The following DGCR8 variants were observed in gnomAD, a reference collection of about 807,000 sequenced individuals.
DGCR8 encodes the protein microprocessor complex subunit DGCR8.
Under a neutral mutation model 78.5 loss-of-function variants are expected in DGCR8, and 14 were observed. That is an observed-to-expected ratio of 0.18 (90% CI 0.12 to 0.28). The LOEUF (loss-of-function observed/expected upper bound fraction) is 0.28, where lower values mean the gene tolerates loss of function less well. Ranked by LOEUF, DGCR8 falls within the 10% of genes least tolerant of loss-of-function variation. DGCR8 has a pLI of 1.00. For synonymous variants in DGCR8, 399 were observed against 402.4 expected, an observed-to-expected ratio of 0.99 and a Z score of 0.10; for missense variants, 702 against 1,022.5, an observed-to-expected ratio of 0.69 and a Z score of 4.28.
At position 20,111,204 on chromosome 22, in the gene DGCR8, C is replaced by T. The variant is rs866333280; in HGVS notation, c.*1096C>T. On this transcript the variant is annotated 3_prime_UTR_variant, in exon 14 of 14. Transcript: ENST00000351989. ...GTGTGCGATGGAAATGTGTTCCTGC[C>T]GGAGTCTGAGGCACCAGGGTGTGCT... is the stretch of plus-strand genomic sequence containing the variant. The T allele has an allele frequency of 5.0e-5, 20 of 398,682 alleles. No homozygotes were observed. The South Asian group carries it at 6.4e-4, about 13-fold the overall frequency. The allele number at this position is 398,682 out of a possible 1,614,324, so 24.7% of individuals were successfully genotyped here.
intron 5 of DGCR8, 131 bp from the exon 6 acceptor site, chr22:20,091,304 C>T: frequency 2.3e-6 from 2 of 854,974 alleles, no homozygotes; most frequent in Non-Finnish European, 3.7e-6. Context: ...CTTTGCTTCC[C>T]TCCCCTTTGA....
intron 9 of DGCR8, chr22:20,102,057 A>G: frequency 1.0e-6 from 1 of 983,796 alleles, no homozygotes. Flanking sequence ...TATTAAATTT[A>G]GGTATTAGTG....
rs996310968 is a variant in DGCR8 at position 20,110,335 on chromosome 22, G to T, written c.*227G>T. 5 of 538,066 alleles carry T rather than the reference G, an allele frequency of 9.3e-6. No homozygotes were observed. Among genetic ancestry groups the T allele is most frequent in the Admixed American group, 6.9e-5 (2 of 28,978 alleles). 33.3% of individuals were successfully genotyped at this position (538,066 alleles called of 1,614,324 possible). The stretch of plus-strand genomic sequence containing the variant: ...CCCTGGAAAGCTCCAGGCCTGAATG[G>T]ATGGACTCAGCGACTGCACCAGTGG... On this transcript the variant is annotated 3_prime_UTR_variant, in exon 14 of 14. Coordinates refer to ENST00000351989, the MANE Select transcript of DGCR8 (RefSeq NM_022720.7).
At chr22:20,106,916 G>T in intron 11 of DGCR8, 1 of 586,806 alleles carries the variant, frequency 1.7e-6, no homozygotes, top group Non-Finnish European at 3.0e-6. Context: ...CCCTGTCTCC[G>T]TCCAGCCCTT....
intron 9 of DGCR8, among the ~76,000 whole-genome samples, chr22:20,103,871 G>T (rs1219635096): frequency 1.3e-5 from 2 of 152,194 alleles, no homozygotes; most frequent in African/African-American, 4.8e-5. Flanking sequence ...TGAGGCTACT[G>T]AGATAGTTTG....
rs114176820 is a variant in DGCR8, at chr22:20,084,817, G to T, written c.-277-870G>T. Among the ~76,000 whole-genome samples, 854 of 152,310 alleles carry T rather than the reference G, an allele frequency of 5.6e-3. 7 individuals are homozygous for T. The highest frequency in any genetic ancestry group is 0.02 in the African/African-American group (811 of 41,570). On this transcript the variant is annotated intron_variant, in intron 1 of 13. Coordinates refer to ENST00000351989, the MANE Select transcript of DGCR8 (RefSeq NM_022720.7). ...GCCTCTTTCACACCTTTGTCCTCTGGCCTGGAGGACTGTCCCCGTGCCTTG... is the reference window on the plus strand; with the variant it reads ...GCCTCTTTCACACCTTTGTCCTCTGTCCTGGAGGACTGTCCCCGTGCCTTG...
At chr22:20,090,968 G>A (rs554661296) in intron 5 of DGCR8, among the ~76,000 whole-genome samples, 68 of 152,210 alleles carry the variant, frequency 4.5e-4, no homozygotes, top group Non-Finnish European at 8.2e-4. Context: ...GAAGTGGCCC[G>A]GGAGGAAATG....
rs891999680 is a variant in DGCR8 at position 20,108,817 on chromosome 22, A to C, written c.2125-73A>C. ...CGCCTGCCTTCAGGGTCCCAGGCACACAGCTGCTGGGCAGCGGGCAGGCCG... is the reference window on the plus strand; with the variant it reads ...CGCCTGCCTTCAGGGTCCCAGGCACCCAGCTGCTGGGCAGCGGGCAGGCCG... On this transcript the variant is annotated intron_variant, in intron 12 of 13. Coordinates refer to ENST00000351989, the MANE Select transcript of DGCR8 (RefSeq NM_022720.7). 3.9e-5 allele frequency: 17 copies of C among 433,132 alleles called. No homozygotes were observed. In the African/African-American group the frequency reaches 4.9e-4, roughly 12 times the overall value. 26.8% of individuals were successfully genotyped at this position (433,132 alleles called of 1,614,324 possible).
intron 8 of DGCR8, 26 bp from the exon 9 acceptor site, chr22:20,094,687 C>T: frequency 3.7e-6 from 6 of 1,605,240 alleles, no homozygotes; most frequent in South Asian, 1.1e-5. Context: ...GCCCAAGCCT[C>T]ACCCTCGGGC....
At position 20,106,928 on chromosome 22, in the gene DGCR8, T is replaced by C. The variant is rs547268946; in HGVS notation, c.1996+230T>C. 3.6e-4 allele frequency: 211 copies of C among 581,926 alleles called. 3 individuals carry two copies. In the South Asian group the frequency reaches 4.2e-3, roughly 12 times the overall value. 36.0% of individuals were successfully genotyped at this position (581,926 alleles called of 1,614,324 possible). ...CACCCCTGTCTCCGTCCAGCCCTTG[T>C]CCCTGTGGCAGGAGGAAAGGCCCTC... On this transcript the variant is annotated intron_variant, in intron 11 of 13. Transcript: ENST00000351989.
rs1293934953 is a variant in DGCR8 at position 20,096,427 on chromosome 22, C to T, written c.1788+1632C>T. ...TTCAAGGGTCAGCCATGTGAAGAAC[C>T]ATTTAAAACTAGCTGTAAACCTTTT... On this transcript the variant is annotated intron_variant, in intron 9 of 13. Transcript: ENST00000351989. 9.1e-6 allele frequency: 9 copies of T among 984,960 alleles called. No individual in the cohort carries two copies. In the Admixed American group the frequency reaches 3.7e-4, roughly 40 times the overall value. The allele number at this position is 984,960 out of a possible 1,614,324, so 61.0% of individuals were successfully genotyped here. A position where few individuals can be genotyped will look rare whatever the true frequency, so the allele number is the denominator to read the frequency against.
chr22:20,101,124 A>G (rs931541988), intron 9 of DGCR8: 56 of 917,118 alleles, frequency 6.1e-5, no homozygotes, highest in Non-Finnish European at 6.9e-5. Flanking sequence ...TTGAATCACA[A>G]AAGACAAACC....
intron 6 of DGCR8, 31 bp from the exon 7 acceptor site, chr22:20,091,838 A>G: frequency 1.2e-6 from 2 of 1,604,010 alleles, no homozygotes; most frequent in Non-Finnish European, 1.7e-6. Flanking sequence ...GCACTGCTTC[A>G]CACTTGCTGA....
At chr22:20,093,976 T>C (rs1423328756) in intron 8 of DGCR8, among the ~76,000 whole-genome samples, 3 of 152,192 alleles carry the variant, frequency 2.0e-5, no homozygotes, top group East Asian at 1.9e-4. Flanking sequence ...TAAGAGACTT[T>C]TGCAGCTCAA....
chr22:20,088,634 T>TGCA (rs781528567), intron 3 of DGCR8, among the ~76,000 whole-genome samples: 5 of 152,198 alleles, frequency 3.3e-5, no homozygotes, highest in Non-Finnish European at 1.5e-5. Context: ...GCAGTGTGCA[T>TGCA]GCACCCCTGA....
At chr22:20,088,040 C>T (rs2049509044) in intron 3 of DGCR8, among the ~76,000 whole-genome samples, 1 of 152,058 alleles carries the variant, frequency 6.6e-6, no homozygotes, top group Non-Finnish European at 1.5e-5. Flanking sequence ...GGGACTCAGG[C>T]TCACAGGTGA....
chr22:20,107,702 G>A, intron 12 of DGCR8: 3 of 408,674 alleles, frequency 7.3e-6, no homozygotes. Flanking sequence ...GATGCTGAAG[G>A]TGCGCCCGGC....
rs761868924 is a variant in DGCR8, at chr22:20,090,214, G to A, written c.1262G>A (p.Gly421Glu). ...GCTGAGGCAGCCCCTGGGGCCCTGG[G>A]GCAGGTGAAGGCCAAAGTCGAGGTG... ...LGAEAAPGAL[G>E]QVKAKVEVCK... is the part of the protein sequence containing the mutation. The change falls in exon 5 of 14, where the codon GGG (glycine) becomes GAG (glutamate). Residue 421 changes from glycine to glutamate, a missense_variant. By Grantham distance (98) the Gly-to-Glu change is moderately conservative. This residue lies in a region of DGCR8 where 119 missense variants were observed against 126.1 expected (regional missense o/e 0.94). Coordinates refer to ENST00000351989, the MANE Select transcript of DGCR8 (RefSeq NM_022720.7). The A allele has an allele frequency of 1.9e-6, 3 of 1,611,844 alleles. No homozygotes were observed. In the African/African-American group the frequency reaches 4.0e-5, roughly 22 times the overall value.
At chr22:20,092,784 T>C (rs375110125) in intron 7 of DGCR8, 25 bp from the exon 8 acceptor site, 10 of 1,601,166 alleles carry the variant, frequency 6.2e-6, no homozygotes, top group Non-Finnish European at 7.7e-6. Flanking sequence ...TCGTATGTTT[T>C]AAAACAAGTA....
Sources: allele counts gnomAD v4.1 joint callset (sites outside exome capture counted in the v4.1 genomes callset), GRCh38; gene constraint gnomAD v4.1.1; regional missense constraint gnomAD v4.1.1; transcripts MANE v1.5; gene names NCBI Gene and HGNC (gene_info 2026-07-23, HGNC 2026-07-21).